Variants in MAGI2 observed in about 807,000 individuals in gnomAD.
MAGI2 encodes membrane associated guanylate kinase, WW and PDZ domain containing 2, also known as membrane-associated guanylate kinase, WW and PDZ domain-containing protein 2.
Under a neutral mutation model 133.3 loss-of-function variants are expected in MAGI2, and 35 were observed. That is an observed-to-expected ratio of 0.26 (90% confidence interval 0.20 to 0.35). The LOEUF is 0.35. Ranked by LOEUF, MAGI2 falls within the 10% of genes least tolerant of loss-of-function variation. MAGI2 has a pLI of 1.00. For synonymous variants in MAGI2, 729 were observed against 710.6 expected, an observed-to-expected ratio of 1.03 and a Z score of -0.41; for missense variants, 1,636 against 1,863.4, an observed-to-expected ratio of 0.88 and a Z score of 2.25.
At chr7:78,560,868 T>G (rs17372719) in intron 3 of MAGI2, among the ~76,000 whole-genome samples, 51,500 of 152,062 alleles carry the variant, frequency 0.34, 9,678 homozygotes, top group Middle Eastern at 0.45. Flanking sequence ...ACATATAGCC[T>G]TTCTAGTAGA....
chr7:78,621,810 A>G (rs774026587), intron 3 of MAGI2, among the ~76,000 whole-genome samples: 5 of 152,056 alleles, frequency 3.3e-5, no homozygotes, highest in Non-Finnish European at 5.9e-5. Context: ...CTGATTTCTA[A>G]CCAAAGGACA....
intron 1 of MAGI2, among the ~76,000 whole-genome samples, chr7:79,217,778 G>T (rs1468072923): frequency 6.6e-6 from 1 of 151,960 alleles, no homozygotes; most frequent in East Asian, 1.9e-4. Context: ...ACCTCAGAGG[G>T]TACACTAGGA....
intron 1 of MAGI2, among the ~76,000 whole-genome samples, chr7:79,024,350 A>G (rs921837361): frequency 6.6e-6 from 1 of 151,942 alleles, no homozygotes; most frequent in African/African-American, 2.4e-5. Flanking sequence ...GATTAAACAC[A>G]TAAGTCTAAA....
intron 15 of MAGI2, among the ~76,000 whole-genome samples, chr7:78,163,780 G>T (rs193159760): frequency 2.0e-5 from 3 of 151,810 alleles, no homozygotes; most frequent in Non-Finnish European, 2.9e-5. Flanking sequence ...GGTGGTGGTC[G>T]CCTGTAGTCC....
intron 1 of MAGI2, among the ~76,000 whole-genome samples, chr7:79,296,093 A>G (rs1283724580): frequency 1.3e-5 from 2 of 152,112 alleles, no homozygotes; most frequent in Admixed American, 6.6e-5. Context: ...TCAGTACAAT[A>G]TTGTTCTTTG....
intron 2 of MAGI2, among the ~76,000 whole-genome samples, chr7:78,687,351 A>G (rs1483249527): frequency 6.6e-6 from 1 of 152,216 alleles, no homozygotes. Context: ...ATATAGTCAC[A>G]TAGAGATAAA....
At chr7:78,080,678 C>G (rs1815862062) in intron 20 of MAGI2, among the ~76,000 whole-genome samples, 2 of 152,214 alleles carry the variant, frequency 1.3e-5, no homozygotes, top group African/African-American at 4.8e-5. Context: ...CAGCTGATTA[C>G]TAAACATCGT....
intron 20 of MAGI2, among the ~76,000 whole-genome samples, chr7:78,104,628 A>T (rs1818504539): frequency 6.6e-6 from 1 of 152,116 alleles, no homozygotes; most frequent in Non-Finnish European, 1.5e-5. Context: ...TTTCCAGGAC[A>T]CACAATGCCA....
intron 6 of MAGI2, among the ~76,000 whole-genome samples, chr7:78,465,098 C>CA (rs1790481283): frequency 6.6e-6 from 1 of 151,858 alleles, no homozygotes; most frequent in South Asian, 2.1e-4. Context: ...ATTTATCAGG[C>CA]AAAAAAACTC....
At chr7:78,473,469 T>G (rs1314656085) in intron 6 of MAGI2, among the ~76,000 whole-genome samples, 1 of 152,090 alleles carries the variant, frequency 6.6e-6, no homozygotes, top group Non-Finnish European at 1.5e-5. Context: ...GCTTTAGTCA[T>G]AAAAATCTAC....
At chr7:78,100,026 C>T (rs1818064828) in intron 20 of MAGI2, among the ~76,000 whole-genome samples, 1 of 152,200 alleles carries the variant, frequency 6.6e-6, no homozygotes. Context: ...TAGTATACAT[C>T]TGAGTTGTTA....
chr7:79,265,653 C>T (rs114093993), intron 1 of MAGI2, among the ~76,000 whole-genome samples: 1 of 151,942 alleles, frequency 6.6e-6, no homozygotes, highest in Non-Finnish European at 1.5e-5. Flanking sequence ...AAAGACAATG[C>T]TATATTGCAT....
At chr7:78,328,204 T>C (rs1205551656) in intron 9 of MAGI2, among the ~76,000 whole-genome samples, 1 of 151,784 alleles carries the variant, frequency 6.6e-6, no homozygotes, top group African/African-American at 2.4e-5. Flanking sequence ...AAAGGAAAAA[T>C]GACCTTTGCA....
rs914599722 is a variant in MAGI2, at chr7:78,886,415, A to G, written c.418+120675T>C. 6.6e-5 allele frequency among the ~76,000 whole-genome samples: 10 copies of G among 152,338 alleles called. 2 individuals carry two copies. The highest frequency in any genetic ancestry group is 5.9e-4 in the Admixed American group (9 of 15,298). On this transcript the variant is annotated intron_variant, in intron 2 of 21. Transcript: ENST00000354212. ...TTGACAAGAAAAATCCATGGATGTA[A>G]TAAGCATCTAATTTCTTAGAGCCAA... is the stretch of plus-strand genomic sequence containing the variant.
chr7:78,401,106 G>A (rs1048540540), intron 6 of MAGI2, among the ~76,000 whole-genome samples: 1 of 151,648 alleles, frequency 6.6e-6, no homozygotes, highest in Middle Eastern at 3.2e-3. Context: ...AAGAGCCTTA[G>A]CTTTGTGAAA....
chr7:78,724,521 A>G (rs896576299), intron 2 of MAGI2, among the ~76,000 whole-genome samples: 2 of 152,158 alleles, frequency 1.3e-5, no homozygotes, highest in Admixed American at 1.3e-4. Context: ...ACAGAACCCA[A>G]CTGTCTCACA....
At chr7:79,440,771 TTA>T (rs1848443773) in intron 1 of MAGI2, among the ~76,000 whole-genome samples, 1 of 152,226 alleles carries the variant, frequency 6.6e-6, no homozygotes, top group African/African-American at 2.4e-5. Flanking sequence ...TACTATATTA[TTA>T]TCTCTATAAC....
At chr7:78,202,682 C>CAAAA (rs59358280) in intron 10 of MAGI2, among the ~76,000 whole-genome samples, 4,325 of 70,104 alleles carry the variant, frequency 0.062, 291 homozygotes, top group East Asian at 0.26. Flanking sequence ...GACTCTGTCT[C>CAAAA]AAAAAAAAAA....
intron 3 of MAGI2, among the ~76,000 whole-genome samples, chr7:78,537,903 G>T (rs1798088436): frequency 1.3e-5 from 2 of 152,152 alleles, no homozygotes; most frequent in African/African-American, 2.4e-5. Flanking sequence ...TCTTGGTCAT[G>T]AAGTCTTTGC....
Sources: allele counts gnomAD v4.1 joint callset (sites outside exome capture counted in the v4.1 genomes callset), GRCh38; gene constraint gnomAD v4.1.1; transcripts MANE v1.5; gene names NCBI Gene and HGNC (gene_info 2026-07-23, HGNC 2026-07-21).